The following EPS15L1 variants were observed in gnomAD, a reference collection of about 807,000 sequenced individuals.
EPS15L1 encodes the protein epidermal growth factor receptor substrate 15-like 1.
EPS15L1 carries 43 observed loss-of-function variants against 117.1 expected under a neutral mutation model. That is an observed-to-expected ratio of 0.37 (90% CI 0.29 to 0.47). The LOEUF is 0.47. Among genes scored for constraint, EPS15L1 ranks in the 20% least tolerant of loss-of-function variants. The pLI, the probability that EPS15L1 is intolerant of heterozygous loss-of-function variation, is 0.99. For missense variants in EPS15L1, 981 were observed against 1,164.0 expected, an observed-to-expected ratio of 0.84 and a Z score of 2.29; for synonymous variants, 459 against 470.5, an observed-to-expected ratio of 0.98 and a Z score of 0.32.
chr19:16,456,390 C>A (rs1409581207), intron 1 of EPS15L1, among the ~76,000 whole-genome samples: 1 of 149,966 alleles, frequency 6.7e-6, no homozygotes, highest in Non-Finnish European at 1.5e-5. Flanking sequence ...GGCGTGGTGG[C>A]TCACGCCTGT....
intron 10 of EPS15L1, 66 bp from the exon 11 acceptor site, chr19:16,418,170 C>T (rs574243433): frequency 5.9e-5 from 90 of 1,521,792 alleles, no homozygotes; most frequent in African/African-American, 6.9e-5. Context: ...CCCAAGTCAC[C>T]GATCCCTTGC....
At chr19:16,436,636 T>TA (rs2092981139) in intron 6 of EPS15L1, 1 of 308,706 alleles carries the variant, frequency 3.2e-6, no homozygotes. Flanking sequence ...GAATGTGACC[T>TA]AAAGATGCAA....
rs771215955 is a variant in EPS15L1 at position 16,428,800 on chromosome 19, AG to A, written c.499-40del. 6 of 1,557,042 alleles carry A rather than the reference AG, an allele frequency of 3.9e-6. No homozygotes were observed. In the African/African-American group the frequency reaches 8.1e-5, roughly 21 times the overall value. ...ACCAGCATGGGTAACTGTGGGAGGA[AG>A]GACTGGGTGAGAGTGAGACCACCTG... On this transcript the variant is annotated intron_variant, in intron 7 of 23. Transcript: ENST00000455140.
intron 16 of EPS15L1, among the ~76,000 whole-genome samples, chr19:16,398,874 A>G (rs1344702340): frequency 6.6e-6 from 1 of 152,198 alleles, no homozygotes; most frequent in East Asian, 1.9e-4. Context: ...ATAGCACACT[A>G]CAGCCCAGAA....
At chr19:16,464,719 A>G (rs1281222954) in intron 1 of EPS15L1, among the ~76,000 whole-genome samples, 1 of 125,310 alleles carries the variant, frequency 8.0e-6, no homozygotes, top group African/African-American at 2.8e-5. Context: ...GTCTTGGGCC[A>G]CACATAAAAT....
At chr19:16,400,069 G>GCT (rs1473130161) in intron 16 of EPS15L1, among the ~76,000 whole-genome samples, 2 of 152,138 alleles carry the variant, frequency 1.3e-5, no homozygotes, top group Non-Finnish European at 2.9e-5. Flanking sequence ...GGGTGAGGTG[G>GCT]CTCACGCCTG....
At chr19:16,387,063 G>A (rs1474044512) in intron 19 of EPS15L1, among the ~76,000 whole-genome samples, 1 of 152,186 alleles carries the variant, frequency 6.6e-6, no homozygotes, top group African/African-American at 2.4e-5. Flanking sequence ...CTGAGACAGG[G>A]ACAACGTAAA....
At chr19:16,429,278 C>A (rs995317319) in intron 7 of EPS15L1, among the ~76,000 whole-genome samples, 1 of 152,200 alleles carries the variant, frequency 6.6e-6, no homozygotes, top group African/African-American at 2.4e-5. Context: ...AGAAGGCAGG[C>A]AGGCGTGGGT....
chr19:16,396,088 T>G (rs1455370004), intron 16 of EPS15L1, among the ~76,000 whole-genome samples: 1 of 151,966 alleles, frequency 6.6e-6, no homozygotes, highest in African/African-American at 2.4e-5. Flanking sequence ...GCCACAACAG[T>G]GCAAGACCCT....
At chr19:16,409,563 C>T (rs1256851556) in intron 13 of EPS15L1, among the ~76,000 whole-genome samples, 3 of 152,204 alleles carry the variant, frequency 2.0e-5, no homozygotes, top group African/African-American at 7.2e-5. Flanking sequence ...CCAGAGTGGA[C>T]TCTCAGTGGA....
intron 1 of EPS15L1, among the ~76,000 whole-genome samples, chr19:16,442,851 G>A (rs929682953): frequency 6.6e-6 from 1 of 152,216 alleles, no homozygotes; most frequent in Admixed American, 6.5e-5. Flanking sequence ...AGAGCCCCAA[G>A]ACATCGCTGT....
chr19:16,387,903 T>C (rs2092437260), intron 19 of EPS15L1, among the ~76,000 whole-genome samples: 1 of 151,890 alleles, frequency 6.6e-6, no homozygotes, highest in African/African-American at 2.4e-5. Context: ...GAAAAATAAA[T>C]AAATAAATAG....
In EPS15L1 at chr19:16,392,313, T is replaced by C; in HGVS notation, c.2094A>G (p.Leu698=). 1 of 1,613,816 alleles carries C rather than the reference T, an allele frequency of 6.2e-7. No homozygotes were observed. Among genetic ancestry groups the C allele is most frequent in the Non-Finnish European group, 8.5e-7 (1 of 1,179,826 alleles). The change falls in exon 19 of 24, where the codon TTA becomes TTG. Residue 698 remains leucine (L), a synonymous_variant. Transcript: ENST00000455140. ...GTCCCACCCCACTCACCTTCGAAGG[T>C]AAGGAAGGGTTTTTCGTGAATGGAT... ...TSDPFTKNPS[L]PSKLDPFESS...
chr19:16,412,874 G>A (rs1253857355), intron 13 of EPS15L1: 3 of 596,832 alleles, frequency 5.0e-6, no homozygotes, highest in Non-Finnish European at 9.5e-6. Flanking sequence ...GATAAGGAGT[G>A]GATGCCCATC....
intron 1 of EPS15L1, among the ~76,000 whole-genome samples, chr19:16,448,867 TACAG>T (rs1202054963): frequency 3.3e-5 from 5 of 151,054 alleles, no homozygotes; most frequent in African/African-American, 7.3e-5. Flanking sequence ...AAAGGCAAGC[TACAG>T]ACTAGAAAGA....
intron 1 of EPS15L1, among the ~76,000 whole-genome samples, chr19:16,447,789 A>C (rs1019512498): frequency 1.3e-5 from 2 of 152,106 alleles, no homozygotes; most frequent in Admixed American, 6.5e-5. Context: ...AGAGAAGCTA[A>C]AACAATTCTG....
At position 16,460,950 on chromosome 19, in the gene EPS15L1, A is replaced by T. The variant is rs1460456539; in HGVS notation, c.33+10963T>A. ...TTTCCCCTTTGGAGAGTGTGAAATG[A>T]GATAGTTTTCTCTTCCACTGGAAAA... is the stretch of plus-strand genomic sequence containing the variant. On this transcript the variant is annotated intron_variant, in intron 1 of 23. Transcript: ENST00000455140. 2.0e-5 allele frequency among the ~76,000 whole-genome samples: 3 copies of T among 152,170 alleles called. 1 individual carries two copies. The highest frequency in any genetic ancestry group is 7.2e-5 in the African/African-American group (3 of 41,444).
At chr19:16,423,261 A>G (rs1424713040) in intron 9 of EPS15L1, among the ~76,000 whole-genome samples, 1 of 152,142 alleles carries the variant, frequency 6.6e-6, no homozygotes, top group African/African-American at 2.4e-5. Flanking sequence ...TTGATCAAAC[A>G]ATTTATCAAA....
At chr19:16,458,150 G>A (rs1303860313) in intron 1 of EPS15L1, among the ~76,000 whole-genome samples, 1 of 152,162 alleles carries the variant, frequency 6.6e-6, no homozygotes, top group Non-Finnish European at 1.5e-5. Context: ...TCCCTGCCAA[G>A]GACGCCAAGA....
Sources: allele counts gnomAD v4.1 joint callset (sites outside exome capture counted in the v4.1 genomes callset), GRCh38; gene constraint gnomAD v4.1.1; transcripts MANE v1.5; gene names NCBI Gene and HGNC (gene_info 2026-07-23, HGNC 2026-07-21).